Variants in FSTL4 observed in about 807,000 individuals in gnomAD.
The protein encoded by FSTL4 is follistatin like 4, also known as follistatin-related protein 4.
FSTL4 carries 28 observed loss-of-function variants against 78.2 expected under a neutral mutation model. The observed-to-expected ratio is 0.36, with a 90% CI of 0.27 to 0.49. The LOEUF (loss-of-function observed/expected upper bound fraction) is 0.49, where lower values mean the gene tolerates loss of function less well. Among genes scored for constraint, FSTL4 ranks in the 20% least tolerant of loss-of-function variants. The pLI is 0.98. For missense variants in FSTL4, 922 were observed against 1,084.9 expected (o/e 0.85, Z 2.11); for synonymous variants, 422 against 440.5 (o/e 0.96, Z 0.53).
At chr5:133,574,723 A>G (rs1184455569) in intron 2 of FSTL4, 1 of 152,256 alleles carries the variant, frequency 6.6e-6, no homozygotes, top group Non-Finnish European at 1.5e-5. Context: ...ATATCCATAC[A>G]ATGGAAAACT....
intron 8 of FSTL4, among the ~76,000 whole-genome samples, chr5:133,229,195 A>G (rs1301754654): frequency 6.6e-6 from 1 of 152,218 alleles, no homozygotes; most frequent in East Asian, 1.9e-4. Context: ...TTCAAAATTA[A>G]GCCATATGTT....
At chr5:133,397,583 C>T (rs939030567) in intron 4 of FSTL4, among the ~76,000 whole-genome samples, 3 of 152,246 alleles carry the variant, frequency 2.0e-5, no homozygotes, top group African/African-American at 4.8e-5. Context: ...GCTGCCTCTT[C>T]TCCCTTGCAG....
At chr5:133,782,938 C>A in the FSTL4 span, among the ~76,000 whole-genome samples, 1 of 152,214 alleles carries the variant, frequency 6.6e-6, no homozygotes, top group East Asian at 1.9e-4. Context: ...CTACTTTCCT[C>A]TGTCAGGGAC....
intron 3 of FSTL4, among the ~76,000 whole-genome samples, chr5:133,528,881 G>A (rs700707): frequency 0.37 from 55,717 of 152,094 alleles, 10,400 homozygotes; most frequent in East Asian, 0.42. Context: ...AGAGCTGTTC[G>A]CTATCTCCAG....
chr5:133,757,627 T>C, the FSTL4 span, among the ~76,000 whole-genome samples: 3 of 152,070 alleles, frequency 2.0e-5, no homozygotes, highest in African/African-American at 4.8e-5. Context: ...CTCGGCATGG[T>C]GGGGAGAACA....
chr5:133,207,544 C>T (rs986400989), intron 14 of FSTL4, among the ~76,000 whole-genome samples: 1 of 152,222 alleles, frequency 6.6e-6, no homozygotes, highest in African/African-American at 2.4e-5. Context: ...TTCTCAACTA[C>T]CAATTTCAAA....
chr5:133,240,248 G>A (rs184112541), intron 7 of FSTL4, among the ~76,000 whole-genome samples: 6 of 152,286 alleles, frequency 3.9e-5, no homozygotes, highest in Non-Finnish European at 8.8e-5. Context: ...GCGAGGGTCC[G>A]CGGCTTCATT....
At chr5:133,315,730 AGAAGTAG>A (rs1753888133) in intron 5 of FSTL4, among the ~76,000 whole-genome samples, 1 of 152,022 alleles carries the variant, frequency 6.6e-6, no homozygotes, top group Non-Finnish European at 1.5e-5. Flanking sequence ...ACCAGTAAGC[AGAAGTAG>A]GAATGCAGGC....
At chr5:133,214,140 C>G (rs1328143186) in intron 13 of FSTL4, among the ~76,000 whole-genome samples, 1 of 152,110 alleles carries the variant, frequency 6.6e-6, no homozygotes, top group Non-Finnish European at 1.5e-5. Context: ...AGAAAATCAC[C>G]AAGGATAGAT....
At chr5:133,791,128 T>C in the FSTL4 span, among the ~76,000 whole-genome samples, 1 of 152,186 alleles carries the variant, frequency 6.6e-6, no homozygotes, top group Non-Finnish European at 1.5e-5. Flanking sequence ...CAGGCTCTCC[T>C]GCCCTTGCTA....
At chr5:133,733,640 A>G in the FSTL4 span, among the ~76,000 whole-genome samples, 1 of 152,262 alleles carries the variant, frequency 6.6e-6, no homozygotes, top group African/African-American at 2.4e-5. Flanking sequence ...TTCTGTAGAT[A>G]AAAACAGATT....
chr5:133,342,796 A>G (rs553912971), intron 4 of FSTL4, among the ~76,000 whole-genome samples: 112 of 152,330 alleles, frequency 7.4e-4, no homozygotes, highest in African/African-American at 2.6e-3. Flanking sequence ...TAACAAGGCC[A>G]CATCGATTTG....
the FSTL4 span, among the ~76,000 whole-genome samples, chr5:133,821,550 G>C: frequency 9.9e-5 from 15 of 152,218 alleles, no homozygotes; most frequent in East Asian, 1.9e-4. Flanking sequence ...TCTAGAAACA[G>C]TGGGAACAAG....
chr5:133,503,319 G>A (rs1412345027), intron 3 of FSTL4, among the ~76,000 whole-genome samples: 1 of 152,154 alleles, frequency 6.6e-6, no homozygotes, highest in Non-Finnish European at 1.5e-5. Context: ...TTAAAACCTT[G>A]ATTAGTAGAA....
rs1171454124 is a variant in FSTL4 at position 133,198,089 on chromosome 5, C to G, written c.*1006G>C. On this transcript the variant is annotated 3_prime_UTR_variant, in exon 16 of 16. Transcript: ENST00000265342. The stretch of plus-strand genomic sequence containing the variant: ...GAAAAGGTATAGCTTCAGGAACTCA[C>G]CTGGCCCCACTCGTGTCCTTGGGGT... The G allele has an allele frequency of 6.5e-6, 1 of 152,674 alleles. No homozygotes were observed. Among genetic ancestry groups the G allele is most frequent in the Non-Finnish European group, 1.5e-5 (1 of 68,102 alleles). 9.5% of individuals were successfully genotyped at this position (152,674 alleles called of 1,614,324 possible). A position where few individuals can be genotyped will look rare whatever the true frequency, so the allele number is the denominator to read the frequency against.
the FSTL4 span, among the ~76,000 whole-genome samples, chr5:133,812,918 C>T: frequency 6.6e-6 from 1 of 152,214 alleles, no homozygotes; most frequent in African/African-American, 2.4e-5. Flanking sequence ...TTCATGGTAG[C>T]ACTTCTGCTC....
chr5:133,823,209 T>C, the FSTL4 span, among the ~76,000 whole-genome samples: 1 of 152,124 alleles, frequency 6.6e-6, no homozygotes, highest in African/African-American at 2.4e-5. Context: ...CCTGGGCCAT[T>C]CATAGGTCCC....
At chr5:133,667,788 A>G in the FSTL4 span, among the ~76,000 whole-genome samples, 1 of 152,152 alleles carries the variant, frequency 6.6e-6, no homozygotes, top group African/African-American at 2.4e-5. Context: ...TATTGTACTT[A>G]TTTGTTTATC....
intron 3 of FSTL4, among the ~76,000 whole-genome samples, chr5:133,523,159 C>T (rs1049920190): frequency 1.3e-5 from 2 of 152,176 alleles, no homozygotes; most frequent in Non-Finnish European, 2.9e-5. Context: ...TCTCTCCCGG[C>T]ATGCGTGCAG....
Sources: gnomAD v4.1 joint callset for allele counts (sites outside exome capture counted in the v4.1 genomes callset) on GRCh38, gnomAD v4.1.1 for gene constraint, MANE v1.5 for transcripts, NCBI Gene and HGNC (gene_info 2026-07-23, HGNC 2026-07-21) for gene names.